The following SLC12A5 variants were observed in gnomAD, a reference collection of about 807,000 sequenced individuals.
SLC12A5 encodes K-Cl cotransporter 2.
A neutral mutation model predicts 124.0 loss-of-function variants in SLC12A5; 18 were observed. That is an observed-to-expected ratio of 0.15 (90% confidence interval 0.10 to 0.22). The LOEUF is 0.22. Among genes scored for constraint, SLC12A5 ranks in the 10% least tolerant of loss-of-function variants. SLC12A5 has a pLI of 1.00. For missense variants in SLC12A5, 867 were observed against 1,478.7 expected (o/e 0.59, Z 6.78); for synonymous variants, 589 against 568.0 (o/e 1.04, Z -0.53).
rs377347592 is a variant in SLC12A5 at position 46,045,973 on chromosome 20, C to T, written c.1665C>T (p.Asp555=). Reference sequence around the variant, plus strand: ...TTGGCATCCTCATTGCATCCCTCGACGAGGTGGCCCCCATCCTCTCTATGT... The same window carrying T: ...TTGGCATCCTCATTGCATCCCTCGATGAGGTGGCCCCCATCCTCTCTATGT... ...CEIGILIASL[D]EVAPILSMFF... is the part of the protein sequence containing the mutation. Residue 555 remains aspartate (D), a synonymous_variant, in exon 13 of 26, where the codon GAC becomes GAT. Coordinates refer to ENST00000243964, the MANE Select transcript of SLC12A5 (RefSeq NM_020708.5). The surrounding 1 kb of genome is among the most constrained non-coding windows in gnomAD (Gnocchi z 4.9). 2.0e-5 allele frequency: 33 copies of T among 1,614,046 alleles called. 1 individual carries two copies. The highest frequency in any genetic ancestry group is 9.3e-5 in the African/African-American group (7 of 74,908).
intron 4 of SLC12A5, 199 bp downstream of exon 4, chr20:46,036,122 C>A: frequency 1.8e-6 from 1 of 560,560 alleles, no homozygotes; most frequent in Non-Finnish European, 3.0e-6. Flanking sequence ...AACCAGGTTT[C>A]ACCTGGATCT....
upstream of SLC12A5, among the ~76,000 whole-genome samples, chr20:46,027,469 T>C (rs1311967185): frequency 6.6e-6 from 1 of 152,198 alleles, no homozygotes; most frequent in African/African-American, 2.4e-5. Flanking sequence ...AAAAGTCCTG[T>C]CCTATACCCC....
At chr20:46,051,611 A>G (rs1191630027) in intron 17 of SLC12A5, 64 bp from the exon 18 acceptor site, 17 of 1,500,906 alleles carry the variant, frequency 1.1e-5, no homozygotes, top group Non-Finnish European at 1.4e-5. Flanking sequence ...GAAGGAGGCT[A>G]CAATGGGCCC....
At chr20:46,022,986 G>GGAGGAAGAGGAGGAGGAA (rs2084368830) in exon 2 of SLC12A5, 1 of 389,156 alleles carries the variant, frequency 2.6e-6, no homozygotes, top group Non-Finnish European at 4.4e-6. Flanking sequence ...AAGAGGAGGA[G>GGAGGAAGAGGAGGAGGAA]GAGGAAGAGG....
At chr20:46,032,066 AC>A (rs2084456785) in intron 1 of SLC12A5, among the ~76,000 whole-genome samples, 1 of 152,152 alleles carries the variant, frequency 6.6e-6, no homozygotes, top group African/African-American at 2.4e-5. Flanking sequence ...GAACTAGCCT[AC>A]CTAGCCGCCC....
In SLC12A5 at chr20:46,045,968, C is replaced by T. The variant is rs1275810930; in HGVS notation, c.1660C>T (p.Leu554Phe). The change falls in exon 13 of 26, where the codon CTC becomes TTC. Residue 554 changes from leucine to phenylalanine, a missense_variant. Physicochemically the swap from Leu to Phe is conservative, Grantham distance 22. Coordinates refer to ENST00000243964, the MANE Select transcript of SLC12A5 (RefSeq NM_020708.5). The surrounding 1 kb of genome is among the most constrained non-coding windows in gnomAD (Gnocchi z 4.9). ...CGAGATTGGCATCCTCATTGCATCCCTCGACGAGGTGGCCCCCATCCTCTC... is the reference window on the plus strand; with the variant it reads ...CGAGATTGGCATCCTCATTGCATCCTTCGACGAGGTGGCCCCCATCCTCTC... ...ICEIGILIAS[L>F]DEVAPILSMF... 2 of 1,614,064 alleles carry T rather than the reference C, an allele frequency of 1.2e-6. No homozygotes were observed. The highest frequency in any genetic ancestry group is 3.3e-5 in the Admixed American group (2 of 59,996).
chr20:46,034,714 C>A (rs1003955004), intron 1 of SLC12A5, among the ~76,000 whole-genome samples: 5 of 152,028 alleles, frequency 3.3e-5, no homozygotes, highest in African/African-American at 7.2e-5. Flanking sequence ...GGAATAGGAC[C>A]CCCAAGAGCA....
chr20:46,043,293 C>A lies in SLC12A5; in HGVS notation c.1207C>A (p.Leu403Met). ...FSDMTSYFTL[L>M]VGIYFPSVTG... ...TGATATGACCTCCTACTTCACCCTG[C>A]TGGTTGGCATCTACTTCCCCTCAGT... Residue 403 changes from leucine to methionine, a missense_variant, in exon 9 of 26, where the codon CTG becomes ATG. Coordinates refer to ENST00000243964, the MANE Select transcript of SLC12A5 (RefSeq NM_020708.5). 6.2e-7 allele frequency: 1 copy of A among 1,614,126 alleles called. No homozygotes were observed. The highest frequency in any genetic ancestry group is 8.5e-7 in the Non-Finnish European group (1 of 1,179,996).
In SLC12A5 at chr20:46,023,004, AGAG is replaced by A. The variant is rs1272544125; in HGVS notation, c.136_138del (p.Gly46del). On this transcript the variant is annotated inframe_deletion, in exon 2 of 3. Transcript: ENST00000413737. ...AGGAGGAGGAGGAAGAGGAGGAGGA[AGAG>A]GAGGAGGAGGAGAAGGAGGAGGAGA... 514 of 356,422 alleles carry A rather than the reference AGAG, an allele frequency of 1.4e-3. 4 individuals are homozygous for A. The highest frequency in any genetic ancestry group is 9.9e-3 in the African/African-American group (362 of 36,614). 22.1% of individuals were successfully genotyped at this position (356,422 alleles called of 1,614,324 possible).
At chr20:46,025,567 T>A (rs554578966), upstream of SLC12A5, among the ~76,000 whole-genome samples, 1 of 151,594 alleles carries the variant, frequency 6.6e-6, no homozygotes, top group Non-Finnish European at 1.5e-5. Context: ...GTGAGTGCAG[T>A]GAGAAAGGGG....
intron 2 of SLC12A5, chr20:46,023,214 T>C (rs1053200154): frequency 7.5e-6 from 3 of 397,828 alleles, no homozygotes; most frequent in African/African-American, 6.2e-5. Context: ...ACCGAACGCC[T>C]CCTGGTTGTG....
At chr20:46,039,508 C>T (rs887269580) in intron 6 of SLC12A5, among the ~76,000 whole-genome samples, 1 of 152,192 alleles carries the variant, frequency 6.6e-6, no homozygotes. Flanking sequence ...GGCACAGTGG[C>T]TCATGCCTGT....
At chr20:46,033,297 T>G (rs1222384076) in intron 1 of SLC12A5, among the ~76,000 whole-genome samples, 2 of 152,054 alleles carry the variant, frequency 1.3e-5, no homozygotes, top group Non-Finnish European at 2.9e-5. Flanking sequence ...GGGCCTCAAT[T>G]TCACTTGGAA....
chr20:46,026,473 G>C (rs1264811736), upstream of SLC12A5, among the ~76,000 whole-genome samples: 8 of 152,116 alleles, frequency 5.3e-5, no homozygotes, highest in Admixed American at 5.2e-4. Flanking sequence ...TGTTTTCTCT[G>C]AACCTCACCA....
chr20:46,044,048 G>C, intron 11 of SLC12A5, 115 bp downstream of exon 11: 1 of 927,128 alleles, frequency 1.1e-6, no homozygotes, highest in South Asian at 1.9e-5. Flanking sequence ...CTGTGGGAGG[G>C]AGGCCACGGG....
Position 46,056,144 on chromosome 20 carries a change from C to A in SLC12A5, c.2788-6C>A. The A allele has an allele frequency of 6.2e-7, 1 of 1,613,944 alleles. No individual in the cohort carries two copies. The highest frequency in any genetic ancestry group is 8.5e-7 in the Non-Finnish European group (1 of 1,179,924). ...AGAGCTGGCACCAACCTATGTCACT[C>A]CCTAGATCCAGAGTATCACAGATGA... On this transcript the variant is annotated splice_polypyrimidine_tract_variant and splice_region_variant and intron_variant, in intron 21 of 25. Transcript: ENST00000243964. This position sits in a 1 kb window ranked among gnomAD's most constrained non-coding sequence, Gnocchi z 4.3.
chr20:46,049,535 A>G, intron 16 of SLC12A5, 87 bp from the exon 17 acceptor site: 1 of 1,492,564 alleles, frequency 6.7e-7, no homozygotes, highest in Non-Finnish European at 9.1e-7. Context: ...TAGAGGAGAG[A>G]TGGCTAGATG....
chr20:46,048,698 C>G (rs956725060), intron 16 of SLC12A5, among the ~76,000 whole-genome samples: 6 of 152,018 alleles, frequency 3.9e-5, no homozygotes, highest in African/African-American at 1.5e-4. Context: ...TGGCGAGACC[C>G]CATCTGTGCT....
rs1033724009 is a variant in SLC12A5, at chr20:46,021,933, G to T, written c.48+47G>T. 4.8e-6 allele frequency: 7 copies of T among 1,467,154 alleles called. No individual in the cohort carries two copies. The African/African-American group carries it at 7.3e-5, about 15-fold the overall frequency. The allele number at this position is 1,467,154 out of a possible 1,614,324, so 90.9% of individuals were successfully genotyped here. On this transcript the variant is annotated intron_variant, in intron 1 of 2. Transcript: ENST00000413737. ...GCCTGCCAGGGCCGGGCGGGACGAG[G>T]GGGAGGGGCCGGGGCGGACCGTCTG... is the stretch of plus-strand genomic sequence containing the variant.
Sources: gnomAD v4.1 joint callset for allele counts (sites outside exome capture counted in the v4.1 genomes callset) on GRCh38, gnomAD v4.1.1 for gene constraint, Gnocchi (gnomAD v3.1) non-coding constraint, MANE v1.5 for transcripts, NCBI Gene and HGNC (gene_info 2026-07-23, HGNC 2026-07-21) for gene names.